Variants in CLK4 observed in about 807,000 individuals in gnomAD.
CLK4 encodes the protein dual specificity protein kinase CLK4.
CLK4 carries 37 observed loss-of-function variants against 64.4 expected under a neutral mutation model. The observed-to-expected ratio is 0.57, with a 90% CI of 0.44 to 0.76. The LOEUF (loss-of-function observed/expected upper bound fraction) is 0.76, where lower values mean the gene tolerates loss of function less well. CLK4 is among the 30% of genes least tolerant of loss of function. The pLI, the probability that CLK4 is intolerant of heterozygous loss-of-function variation, is 0.00. For missense variants in CLK4, 457 were observed against 605.1 expected (o/e 0.76, Z 2.57); for synonymous variants, 175 against 191.6 (o/e 0.91, Z 0.72).
chr5:178,626,771 G>A (rs1488945823), intron 1 of CLK4, among the ~76,000 whole-genome samples, 175 bp downstream of exon 1: 2 of 152,210 alleles, frequency 1.3e-5, no homozygotes, highest in Non-Finnish European at 2.9e-5. Context: ...GCAGAACCGC[G>A]ACGCCCGAGC....
Position 178,603,562 on chromosome 5 carries a change from C to T in CLK4, c.*55G>A. The T allele has an allele frequency of 1.6e-6, 2 of 1,254,942 alleles. No individual in the cohort carries two copies. Among genetic ancestry groups the T allele is most frequent in the South Asian group, 1.9e-5 (1 of 53,098 alleles). The allele number at this position is 1,254,942 out of a possible 1,614,324, so 77.7% of individuals were successfully genotyped here. On this transcript the variant is annotated 3_prime_UTR_variant, in exon 13 of 13. Coordinates refer to ENST00000316308, the MANE Select transcript of CLK4 (RefSeq NM_020666.3). ...TATTAGAATGTTTAGTTGACTGACA[C>T]AGTCTTAAGTAATCTCTTCTAGAGA...
Position 178,613,656 on chromosome 5 carries a change from T to C in CLK4, c.660-17A>G. ...ACACATCGGCTAAAACAGAGCAAAA[T>C]AATAATTCAGTTTATGGAAACCTGA... On this transcript the variant is annotated splice_polypyrimidine_tract_variant and intron_variant, in intron 6 of 12. Coordinates refer to ENST00000316308, the MANE Select transcript of CLK4 (RefSeq NM_020666.3). The C allele has an allele frequency of 6.2e-7, 1 of 1,607,114 alleles. No homozygotes were observed. The highest frequency in any genetic ancestry group is 8.5e-7 in the Non-Finnish European group (1 of 1,176,442).
intron 2 of CLK4, chr5:178,619,847 G>A (rs776125396): frequency 1.6e-6 from 2 of 1,241,462 alleles, no homozygotes; most frequent in Admixed American, 2.3e-5. Flanking sequence ...CCTGGGATGA[G>A]TGTCCTCTTC....
chr5:178,615,178 C>A lies in CLK4; in HGVS notation c.543-1335G>T, dbSNP rs115119330. Among the ~76,000 whole-genome samples the A allele has an allele frequency of 7.3e-3, 1,105 of 152,136 alleles. 15 individuals carry two copies. The highest frequency in any genetic ancestry group is 0.025 in the African/African-American group (1,055 of 41,492). On this transcript the variant is annotated intron_variant, in intron 5 of 12. Transcript: ENST00000316308. ...CCAGCCAGAGCAACACAGTGAGACT[C>A]CATCTCATTAAAAAAAAATTTTTTT... is the stretch of plus-strand genomic sequence containing the variant.
chr5:178,616,326 A>T (rs1311784364), intron 5 of CLK4, among the ~76,000 whole-genome samples: 1 of 152,096 alleles, frequency 6.6e-6, no homozygotes, highest in African/African-American at 2.4e-5. Flanking sequence ...TTGAACTCCC[A>T]ACCTCAGGTG....
rs1427919782 is a variant in CLK4 at position 178,612,445 on chromosome 5, C to T, written c.1022G>A (p.Arg341Gln). 2 of 1,613,800 alleles carry T rather than the reference C, an allele frequency of 1.2e-6. No individual in the cohort carries two copies. Among genetic ancestry groups the T allele is most frequent in the Non-Finnish European group, 8.5e-7 (1 of 1,179,842 alleles). Residue 341 changes from arginine (R) to glutamine (Q), a missense_variant, in exon 9 of 13, where the codon CGG (arginine) becomes CAG (glutamine). Transcript: ENST00000316308. ...AATGACCTCGGGAGCTCTGTAGTGCCGGGTAGACACCAAAGTACTGTGATG... is the reference window on the plus strand; with the variant it reads ...AATGACCTCGGGAGCTCTGTAGTGCTGGGTAGACACCAAAGTACTGTGATG... ...DEHHSTLVST[R>Q]HYRAPEVILA...
At chr5:178,605,491 G>A (rs1172418348) in intron 10 of CLK4, 109 bp from the exon 11 acceptor site, 15 of 563,788 alleles carry the variant, frequency 2.7e-5, no homozygotes, top group Non-Finnish European at 4.1e-5. Context: ...TTCTTACACT[G>A]TTTAAAGAAT....
At chr5:178,605,469 CTTT>C (rs2113798863) in intron 10 of CLK4, 87 bp from the exon 11 acceptor site, 2 of 748,006 alleles carry the variant, frequency 2.7e-6, no homozygotes, top group East Asian at 2.9e-5. Context: ...TAGTTTCCTT[CTTT>C]ATTTGCACTT....
At chr5:178,606,740 A>G (rs61614861) in intron 10 of CLK4, among the ~76,000 whole-genome samples, 2,906 of 152,264 alleles carry the variant, frequency 0.019, 107 homozygotes, top group African/African-American at 0.065. Flanking sequence ...AGGAGGGTAG[A>G]TCACTTGAGG....
At chr5:178,624,734 C>A (rs1004748953) in intron 1 of CLK4, among the ~76,000 whole-genome samples, 2 of 152,120 alleles carry the variant, frequency 1.3e-5, no homozygotes, top group Admixed American at 1.3e-4. Flanking sequence ...GTAAAACCCA[C>A]TCAGTTAACC....
intron 1 of CLK4, 102 bp from the exon 2 acceptor site, chr5:178,623,518 G>T: frequency 1.0e-6 from 1 of 997,492 alleles, no homozygotes; most frequent in Non-Finnish European, 1.3e-6. Context: ...CAACACACAG[G>T]GTCTTACAGG....
At chr5:178,606,963 G>GAAA (rs370795283) in intron 10 of CLK4, among the ~76,000 whole-genome samples, 1 of 137,546 alleles carries the variant, frequency 7.3e-6, no homozygotes, top group Non-Finnish European at 1.6e-5. Context: ...CCATCTCAGG[G>GAAA]AAAAAAAAAA....
At chr5:178,606,062 T>C (rs954691054) in intron 10 of CLK4, among the ~76,000 whole-genome samples, 4 of 152,254 alleles carry the variant, frequency 2.6e-5, no homozygotes, top group African/African-American at 4.8e-5. Flanking sequence ...GTGCCTTGCA[T>C]ATTGCTTCCA....
At chr5:178,611,093 G>A (rs988577194) in intron 9 of CLK4, among the ~76,000 whole-genome samples, 2 of 151,476 alleles carry the variant, frequency 1.3e-5, no homozygotes, top group East Asian at 1.9e-4. Flanking sequence ...AAAAGGGGGG[G>A]GTTACTATAT....
chr5:178,614,481 C>T (rs559329294), intron 5 of CLK4, among the ~76,000 whole-genome samples: 1 of 152,204 alleles, frequency 6.6e-6, no homozygotes, highest in African/African-American at 2.4e-5. Flanking sequence ...CTTTAGACTG[C>T]GGCATCTGTA....
chr5:178,615,300 A>G (rs1764612627), intron 5 of CLK4, among the ~76,000 whole-genome samples: 1 of 152,252 alleles, frequency 6.6e-6, no homozygotes, highest in South Asian at 2.1e-4. Context: ...TAAAGTCTGC[A>G]GATTAGTTGG....
chr5:178,603,591 A>AT lies in CLK4; in HGVS notation c.*25dup, dbSNP rs981918971. On this transcript the variant is annotated 3_prime_UTR_variant, in exon 13 of 13. Transcript: ENST00000316308. ...CTTAAGTAATCTCTTCTAGAGAAGT[A>AT]TATAGTAAGACCACTGATTCCCATT... The AT allele has an allele frequency of 2.0e-6, 3 of 1,512,282 alleles. No individual in the cohort carries two copies. The African/African-American group carries it at 4.2e-5, about 21-fold the overall frequency. The allele number at this position is 1,512,282 out of a possible 1,614,324, so 93.7% of individuals were successfully genotyped here. A position where few individuals can be genotyped will look rare whatever the true frequency, so the allele number is the denominator to read the frequency against.
At chr5:178,606,821 G>A (rs1422615908) in intron 10 of CLK4, among the ~76,000 whole-genome samples, 1 of 151,968 alleles carries the variant, frequency 6.6e-6, no homozygotes, top group African/African-American at 2.4e-5. Context: ...TTAGTGGGGT[G>A]TAGTGGCTCG....
chr5:178,619,403 T>G (rs537578928), intron 2 of CLK4, among the ~76,000 whole-genome samples: 1 of 152,232 alleles, frequency 6.6e-6, no homozygotes, highest in Non-Finnish European at 1.5e-5. Context: ...CCTCTACTCT[T>G]TGCATTTCTA....
Sources: allele counts gnomAD v4.1 joint callset (sites outside exome capture counted in the v4.1 genomes callset), GRCh38; gene constraint gnomAD v4.1.1; transcripts MANE v1.5; gene names NCBI Gene and HGNC (gene_info 2026-07-23, HGNC 2026-07-21).